Variants in PEG3 observed in about 807,000 individuals in gnomAD.
PEG3 encodes paternally expressed 3.
A neutral mutation model predicts 35.5 loss-of-function variants in PEG3; 23 were observed. The ratio of observed to expected loss-of-function variants is 0.65; its 90% CI spans 0.47 to 0.92. PEG3 has a LOEUF of 0.92. PEG3 is among the 40% of genes least tolerant of loss of function. The pLI is 0.00. For missense variants in PEG3, 1,960 were observed against 1,985.3 expected (o/e 0.99, Z 0.24); for synonymous variants, 707 against 697.0 (o/e 1.01, Z -0.23).
At chr19:56,825,868 T>C (rs186632166) in intron 3 of PEG3, among the ~76,000 whole-genome samples, 1 of 152,342 alleles carries the variant, frequency 6.6e-6, no homozygotes, top group Admixed American at 6.5e-5. Flanking sequence ...TCAGAGTCTC[T>C]CATTAGACAT....
At chr19:56,830,175 T>G (rs1218057236) in intron 2 of PEG3, among the ~76,000 whole-genome samples, 2 of 152,248 alleles carry the variant, frequency 1.3e-5, no homozygotes, top group Non-Finnish European at 2.9e-5. Context: ...GTTACCTTTT[T>G]CATCTCTATA....
intron 1 of PEG3, among the ~76,000 whole-genome samples, chr19:56,838,214 C>T (rs1204994537): frequency 6.6e-6 from 1 of 152,208 alleles, no homozygotes; most frequent in Non-Finnish European, 1.5e-5. Flanking sequence ...TAACTGCCCT[C>T]ACGTGCCCCA....
chr19:56,819,709 G>A (rs1365129014), intron 7 of PEG3, among the ~76,000 whole-genome samples: 1 of 152,212 alleles, frequency 6.6e-6, no homozygotes, highest in African/African-American at 2.4e-5. Context: ...TATCTGCTTT[G>A]CAATACTGTG....
At chr19:56,838,957 C>G (rs2062579595) in intron 1 of PEG3, among the ~76,000 whole-genome samples, 1 of 152,176 alleles carries the variant, frequency 6.6e-6, no homozygotes, top group African/African-American at 2.4e-5. Context: ...CCCATGCCAC[C>G]TGCAGCCACT....
chr19:56,838,510 C>T (rs1051083595), intron 1 of PEG3, among the ~76,000 whole-genome samples: 3 of 152,168 alleles, frequency 2.0e-5, no homozygotes, highest in Admixed American at 1.3e-4. Context: ...CTCGCAGCTC[C>T]CCCACTAAGC....
chr19:56,816,910 CCA>C lies in PEG3; in HGVS notation c.1530_1531del (p.Cys510TrpfsTer6), dbSNP rs541630820. On this transcript the variant is annotated frameshift_variant, in exon 10 of 10. Transcript: ENST00000326441. LOFTEE classifies it low-confidence loss of function (END_TRUNC). ...GGCGGCACTCTTATTGAAGGTCTCT[CCA>C]CAGTCCTTACATTCAAAACGTTTCC... is the stretch of plus-strand genomic sequence containing the variant. 6.2e-7 allele frequency: 1 copy of C among 1,614,176 alleles called. No homozygotes were observed. The highest frequency in any genetic ancestry group is 1.3e-5 in the African/African-American group (1 of 75,060).
chr19:56,836,133 C>T, intron 1 of PEG3, 29 bp from the exon 2 acceptor site: 1 of 453,412 alleles, frequency 2.2e-6, no homozygotes, highest in Non-Finnish European at 4.5e-6. Flanking sequence ...TGTGAGACGC[C>T]AAGTTTATTT....
At position 56,834,473 on chromosome 19, in the gene PEG3, A is replaced by G. The variant is rs185756076; in HGVS notation, c.-163+1545T>C. Among the ~76,000 whole-genome samples the G allele has an allele frequency of 1.4e-3, 215 of 152,284 alleles. 1 individual carries two copies. Among genetic ancestry groups the G allele is most frequent in the African/African-American group, 5.0e-3 (206 of 41,562 alleles). ...CCCATGTAGGTCTGCCTACAGGGAG[A>G]GAATTTGCTGATCATACACACTGCT... On this transcript the variant is annotated intron_variant, in intron 2 of 9. Coordinates refer to ENST00000326441, the MANE Select transcript of PEG3 (RefSeq NM_006210.3).
chr19:56,837,177 A>G (rs1299886674), intron 1 of PEG3, among the ~76,000 whole-genome samples: 1 of 152,070 alleles, frequency 6.6e-6, no homozygotes, highest in Non-Finnish European at 1.5e-5. Flanking sequence ...AAGCTTTGGA[A>G]GCTGGGCAGC....
At chr19:56,818,755 A>G in intron 7 of PEG3, 53 bp from the exon 8 acceptor site, 1 of 1,587,580 alleles carries the variant, frequency 6.3e-7, no homozygotes, top group Non-Finnish European at 8.6e-7. Context: ...CCGATGTTCA[A>G]AGACAGAATA....
At chr19:56,834,427 C>G (rs998327836) in intron 2 of PEG3, among the ~76,000 whole-genome samples, 1 of 152,206 alleles carries the variant, frequency 6.6e-6, no homozygotes, top group Non-Finnish European at 1.5e-5. Flanking sequence ...ACCAAGCAAC[C>G]TTCTCATTAT....
In PEG3 at chr19:56,811,722, A is replaced by G; in HGVS notation, c.*1953T>C. On this transcript the variant is annotated 3_prime_UTR_variant, in exon 10 of 10. Transcript: ENST00000326441. ...ACCTCACTGCCCCTCAGCTTTCCCG[A>G]TGTCCGTTCCAACCTCAGTCCTTCC... The G allele has an allele frequency of 1.0e-6, 1 of 985,494 alleles. No homozygotes were observed. Among genetic ancestry groups the G allele is most frequent in the Non-Finnish European group, 1.2e-6 (1 of 830,000 alleles). 61.0% of individuals were successfully genotyped at this position (985,494 alleles called of 1,614,324 possible).
At position 56,811,059 on chromosome 19, in the gene PEG3, GATAA is replaced by G; in HGVS notation, c.*2612_*2615del. The G allele has an allele frequency of 5.1e-6, 5 of 976,638 alleles. No individual in the cohort carries two copies. Among genetic ancestry groups the G allele is most frequent in the Non-Finnish European group, 6.1e-6 (5 of 824,022 alleles). The allele number at this position is 976,638 out of a possible 1,614,324, so 60.5% of individuals were successfully genotyped here. A position where few individuals can be genotyped will look rare whatever the true frequency, so the allele number is the denominator to read the frequency against. ...TGTGCACAGAAACAAGAATGAACAA[GATAA>G]GAGGAGAGTATATGTCTTTGGATGG... On this transcript the variant is annotated 3_prime_UTR_variant, in exon 10 of 10. Transcript: ENST00000326441.
Position 56,811,283 on chromosome 19 carries a change from A to AG in PEG3, c.*2391dup. 2.2e-6 allele frequency: 2 copies of AG among 923,376 alleles called. No individual in the cohort carries two copies. Among genetic ancestry groups the AG allele is most frequent in the South Asian group, 5.0e-5 (1 of 19,906 alleles). 57.2% of individuals were successfully genotyped at this position (923,376 alleles called of 1,614,324 possible). On this transcript the variant is annotated 3_prime_UTR_variant, in exon 10 of 10. Transcript: ENST00000326441. ...AACACCACAACAGCTTTTGACTATA[A>AG]GCATATATATTTTTAAACAGTTATA...
chr19:56,834,707 T>C (rs1318994538), intron 2 of PEG3, among the ~76,000 whole-genome samples: 1 of 152,188 alleles, frequency 6.6e-6, no homozygotes, highest in Non-Finnish European at 1.5e-5. Context: ...TCTTGAGCAC[T>C]GAGGCCAGGA....
chr19:56,825,797 G>A (rs896199337), intron 3 of PEG3, among the ~76,000 whole-genome samples: 4 of 152,162 alleles, frequency 2.6e-5, no homozygotes, highest in Non-Finnish European at 5.9e-5. Context: ...TAAAAGGAAA[G>A]CAAGTTTAAA....
At chr19:56,818,812 C>A in intron 7 of PEG3, 110 bp from the exon 8 acceptor site, 1 of 1,268,920 alleles carries the variant, frequency 7.9e-7, no homozygotes, top group Non-Finnish European at 1.1e-6. Flanking sequence ...ATAGGAAGTG[C>A]TCACGGTATT....
rs2062056362 is a variant in PEG3, at chr19:56,835,943, A to AAAGTGTCAGAGTAAGG, written c.-163+59_-163+74dup. 4 of 467,146 alleles carry AAAGTGTCAGAGTAAGG rather than the reference A, an allele frequency of 8.6e-6. No homozygotes were observed. In the Admixed American group the frequency reaches 9.1e-5, roughly 11 times the overall value. 28.9% of individuals were successfully genotyped at this position (467,146 alleles called of 1,614,324 possible). ...CTATGTGGAACACATATGCAGTAGG[A>AAAGTGTCAGAGTAAGG]AAGTGTCAGAGTAAGGAAGTGCGGT... On this transcript the variant is annotated intron_variant, in intron 2 of 9. Transcript: ENST00000326441.
rs765526274 is a variant in PEG3 at position 56,824,506 on chromosome 19, C to T, written c.150G>A (p.Arg50=). The stretch of plus-strand genomic sequence containing the variant: ...CAACAAATTCCACATAGATTAGGTT[C>T]CGAAACCTCTGATGAAAAAACTCAG... ...TDSEFFHQRF[R]NLIYVEFVGP... is the part of the protein sequence containing the mutation. Residue 50 remains arginine (R), a synonymous_variant, in exon 4 of 10, where the codon CGG becomes CGA. Transcript: ENST00000326441. The T allele has an allele frequency of 1.9e-6, 3 of 1,614,102 alleles. No individual in the cohort carries two copies. In the East Asian group the frequency reaches 6.7e-5, roughly 36 times the overall value.
Sources: gnomAD v4.1 joint callset for allele counts (sites outside exome capture counted in the v4.1 genomes callset) on GRCh38, gnomAD v4.1.1 for gene constraint, MANE v1.5 for transcripts, NCBI Gene and HGNC (gene_info 2026-07-23, HGNC 2026-07-21) for gene names.